Variants in GPHN observed in about 807,000 individuals in gnomAD.
The protein encoded by GPHN is gephyrin.
A neutral mutation model predicts 95.5 loss-of-function variants in GPHN; 17 were observed. The observed-to-expected ratio is 0.18, with a 90% CI of 0.12 to 0.27. The LOEUF is 0.27. Ranked by LOEUF, GPHN falls within the 10% of genes least tolerant of loss-of-function variation. The pLI is 1.00. For synonymous variants in GPHN, 320 were observed against 322.5 expected (o/e 0.99, Z 0.08); for missense variants, 660 against 978.1 (o/e 0.67, Z 4.34).
At chr14:66,688,910 G>A (rs1421547740) in intron 2 of GPHN, among the ~76,000 whole-genome samples, 1 of 150,312 alleles carries the variant, frequency 6.7e-6, no homozygotes, top group Non-Finnish European at 1.5e-5. Flanking sequence ...ACCGGGGCCT[G>A]TCGGGGGGTG....
chr14:66,607,565 C>T (rs185626343), intron 1 of GPHN, among the ~76,000 whole-genome samples: 4 of 151,868 alleles, frequency 2.6e-5, no homozygotes, highest in Admixed American at 6.6e-5. Flanking sequence ...TGAATATTTT[C>T]AGTAGGATTG....
rs150139115 is a variant in GPHN, at chr14:66,589,124, A to T, written c.64+80533A>T. Among the ~76,000 whole-genome samples, 1,225 of 152,302 alleles carry T rather than the reference A, an allele frequency of 8.0e-3. 8 individuals are homozygous for T. Among genetic ancestry groups the T allele is most frequent in the Non-Finnish European group, 0.012 (821 of 68,012 alleles). ...AGTTTCAACCCAGAATTGCATATCCAGCCAAATTAAGCTTCATAAGCAAAG... is the reference window on the plus strand; with the variant it reads ...AGTTTCAACCCAGAATTGCATATCCTGCCAAATTAAGCTTCATAAGCAAAG... On this transcript the variant is annotated intron_variant, in intron 1 of 22. Transcript: ENST00000478722.
intron 1 of GPHN, among the ~76,000 whole-genome samples, chr14:66,523,807 G>C (rs2058574223): frequency 6.6e-6 from 1 of 152,068 alleles, no homozygotes; most frequent in African/African-American, 2.4e-5. Flanking sequence ...CAGGGCAACA[G>C]AAGCAACCTG....
At chr14:66,980,384 A>G (rs1411077204) in intron 9 of GPHN, among the ~76,000 whole-genome samples, 5 of 152,148 alleles carry the variant, frequency 3.3e-5, no homozygotes, top group Non-Finnish European at 7.4e-5. Context: ...TCAAAGATAA[A>G]CTTTTTTTTG....
At chr14:66,741,900 A>G (rs1345043571) in intron 2 of GPHN, among the ~76,000 whole-genome samples, 2 of 152,318 alleles carry the variant, frequency 1.3e-5, no homozygotes, top group Non-Finnish European at 2.9e-5. Flanking sequence ...TTATCATGCT[A>G]AATGACCAAA....
chr14:66,966,393 G>A (rs541622864), intron 9 of GPHN, among the ~76,000 whole-genome samples: 102 of 151,980 alleles, frequency 6.7e-4, no homozygotes, highest in African/African-American at 2.3e-3. Flanking sequence ...TTAGATATAT[G>A]TCAAAAAAAC....
Position 66,965,172 on chromosome 14 carries a change from A to C in GPHN, c.829-19A>C. ...TGACATTTTCAGAATATTAAACCAT[A>C]GTTGTTCCCCTTGTTCAGATTCCAG... is the stretch of plus-strand genomic sequence containing the variant. On this transcript the variant is annotated intron_variant, in intron 8 of 22. Transcript: ENST00000478722. The C allele has an allele frequency of 6.2e-7, 1 of 1,605,660 alleles. No homozygotes were observed.
chr14:67,198,435 C>A, the GPHN span: 1 of 973,110 alleles, frequency 1.0e-6, no homozygotes, highest in Non-Finnish European at 1.5e-6. Context: ...ATGTGTGATA[C>A]TACAAAAGAG....
the GPHN span, chr14:67,733,637 G>A: frequency 4.1e-6 from 3 of 733,974 alleles, no homozygotes; most frequent in Middle Eastern, 2.5e-4. Flanking sequence ...TTTGAGTCTG[G>A]CATATATTGT....
the GPHN span, among the ~76,000 whole-genome samples, chr14:67,712,295 G>A: frequency 6.6e-5 from 10 of 152,160 alleles, no homozygotes; most frequent in East Asian, 1.4e-3. Context: ...TCCAAAAAGG[G>A]AGAATTATTT....
At chr14:67,058,497 A>C (rs1007810532) in intron 10 of GPHN, 152 bp from the exon 11 acceptor site, 10 of 706,728 alleles carry the variant, frequency 1.4e-5, no homozygotes. Flanking sequence ...CCACCAGAGC[A>C]GGCTGTATTT....
the GPHN span, among the ~76,000 whole-genome samples, chr14:67,267,298 G>A: frequency 2.6e-5 from 4 of 151,398 alleles, no homozygotes; most frequent in African/African-American, 7.3e-5. Flanking sequence ...CACTCTTGTC[G>A]CCCAGGCTGG....
At chr14:66,796,320 CT>C (rs537818102) in intron 3 of GPHN, among the ~76,000 whole-genome samples, 12 of 148,294 alleles carry the variant, frequency 8.1e-5, no homozygotes, top group South Asian at 2.1e-4. Context: ...ATATTGTTTC[CT>C]TTTTTTTTTC....
In GPHN at chr14:66,508,469, C is replaced by G; in HGVS notation, c.-59C>G. ...CCTCGGCGAGCGCGCTCCCGGCCCG[C>G]GCGCTCCGGGCTCCGGTTTCTCCCG... On this transcript the variant is annotated 5_prime_UTR_variant, in exon 1 of 23. Transcript: ENST00000478722. 2 of 1,531,760 alleles carry G rather than the reference C, an allele frequency of 1.3e-6. No homozygotes were observed. The highest frequency in any genetic ancestry group is 1.8e-6 in the Non-Finnish European group (2 of 1,105,234). 94.9% of individuals were successfully genotyped at this position (1,531,760 alleles called of 1,614,324 possible). A position where few individuals can be genotyped will look rare whatever the true frequency, so the allele number is the denominator to read the frequency against.
chr14:67,609,399 C>T, the GPHN span, among the ~76,000 whole-genome samples: 2 of 152,166 alleles, frequency 1.3e-5, no homozygotes, highest in African/African-American at 4.8e-5. Context: ...GGGTGCACCG[C>T]CTTCCCTGTA....
the GPHN span, among the ~76,000 whole-genome samples, chr14:67,639,839 T>C: frequency 6.7e-6 from 1 of 150,242 alleles, no homozygotes; most frequent in Non-Finnish European, 1.5e-5. Context: ...GTAGGAGAAT[T>C]GCTTGAATCC....
chr14:66,614,929 A>G (rs936472716), intron 1 of GPHN, among the ~76,000 whole-genome samples: 1 of 152,020 alleles, frequency 6.6e-6, no homozygotes, highest in Non-Finnish European at 1.5e-5. Context: ...ATGTGTTCTC[A>G]CTGTTCAACT....
chr14:67,596,904 T>C, the GPHN span, among the ~76,000 whole-genome samples: 1 of 152,246 alleles, frequency 6.6e-6, no homozygotes, highest in Non-Finnish European at 1.5e-5. Flanking sequence ...AAGTCTCTTT[T>C]CCCCTACTGT....
At chr14:67,353,428 T>C in the GPHN span, among the ~76,000 whole-genome samples, 1 of 152,190 alleles carries the variant, frequency 6.6e-6, no homozygotes, top group Non-Finnish European at 1.5e-5. Context: ...GGAGGATCCC[T>C]TGAGCCTGGG....
Sources: gnomAD v4.1 joint callset for allele counts (sites outside exome capture counted in the v4.1 genomes callset) on GRCh38, gnomAD v4.1.1 for gene constraint, MANE v1.5 for transcripts, NCBI Gene and HGNC (gene_info 2026-07-23, HGNC 2026-07-21) for gene names.